The following PTPRD variants were observed in gnomAD, a reference collection of about 807,000 sequenced individuals.
PTPRD encodes the protein receptor-type tyrosine-protein phosphatase delta.
A neutral mutation model predicts 214.5 loss-of-function variants in PTPRD; 34 were observed. The observed-to-expected ratio is 0.16, with a 90% CI of 0.12 to 0.21. The LOEUF (loss-of-function observed/expected upper bound fraction) is 0.21. Among genes scored for constraint, PTPRD ranks in the 10% least tolerant of loss-of-function variants. PTPRD has a pLI of 1.00. For synonymous variants in PTPRD, 1,128 were observed against 845.7 expected (o/e 1.33, Z -5.79); for missense variants, 2,545 against 2,398.7 (o/e 1.06, Z -1.27).
At chr9:10,443,603 T>C (rs1402644199) in intron 2 of PTPRD, among the ~76,000 whole-genome samples, 1 of 151,724 alleles carries the variant, frequency 6.6e-6, no homozygotes, top group Non-Finnish European at 1.5e-5. Flanking sequence ...CATTACTTGA[T>C]GCCTCATAGA....
chr9:8,740,684 C>T (rs2091692201), intron 11 of PTPRD, among the ~76,000 whole-genome samples: 2 of 152,112 alleles, frequency 1.3e-5, no homozygotes, highest in Non-Finnish European at 2.9e-5. Context: ...ATAATCAGCA[C>T]ATCAAATCAA....
At chr9:8,340,769 A>T (rs1046821051) in intron 41 of PTPRD, among the ~76,000 whole-genome samples, 1 of 152,142 alleles carries the variant, frequency 6.6e-6, no homozygotes, top group Non-Finnish European at 1.5e-5. Context: ...AAACACTTAG[A>T]TGTGCAGCTT....
chr9:8,778,493 C>T (rs1182874035), intron 11 of PTPRD, among the ~76,000 whole-genome samples: 1 of 152,130 alleles, frequency 6.6e-6, no homozygotes, highest in Non-Finnish European at 1.5e-5. Context: ...TGCGAATCTG[C>T]CCAACACTGA....
chr9:9,646,531 G>A (rs2096183907), intron 7 of PTPRD, among the ~76,000 whole-genome samples: 1 of 151,880 alleles, frequency 6.6e-6, no homozygotes, highest in African/African-American at 2.4e-5. Flanking sequence ...TCAGAATGTA[G>A]GTATTATTAT....
At chr9:10,528,086 A>G (rs2054875471) in intron 2 of PTPRD, among the ~76,000 whole-genome samples, 1 of 152,168 alleles carries the variant, frequency 6.6e-6, no homozygotes, top group African/African-American at 2.4e-5. Flanking sequence ...ACACACACAC[A>G]CACTGAGTTG....
intron 2 of PTPRD, among the ~76,000 whole-genome samples, chr9:10,584,503 T>C (rs1187904563): frequency 6.6e-6 from 1 of 152,194 alleles, no homozygotes; most frequent in Non-Finnish European, 1.5e-5. Flanking sequence ...TAGTTCCAGA[T>C]CTGGGTTTCA....
At chr9:8,952,956 A>AGGT (rs2099110998) in intron 11 of PTPRD, among the ~76,000 whole-genome samples, 1 of 112,750 alleles carries the variant, frequency 8.9e-6, no homozygotes, top group African/African-American at 2.8e-5. Flanking sequence ...AGTATATGTT[A>AGGT]GGTTATACCT....
intron 8 of PTPRD, among the ~76,000 whole-genome samples, chr9:9,400,516 C>T (rs1314983684): frequency 6.6e-6 from 1 of 151,948 alleles, no homozygotes; most frequent in Non-Finnish European, 1.5e-5. Flanking sequence ...CTACCTTTAT[C>T]TAACCAAAAA....
chr9:10,198,419 G>A (rs1372585055), intron 3 of PTPRD, among the ~76,000 whole-genome samples: 3 of 152,108 alleles, frequency 2.0e-5, no homozygotes, highest in African/African-American at 4.8e-5. Context: ...CATTGGCCAA[G>A]TATGAGCAGC....
rs182446423 is a variant in PTPRD at position 8,608,237 on chromosome 9, G to C, written c.352+25080C>G. Among the ~76,000 whole-genome samples the C allele has an allele frequency of 1.0e-3, 153 of 151,958 alleles. 4 individuals carry two copies. The East Asian group carries it at 0.022, about 22-fold the overall frequency. ...AATACAAATAGTTGAACTAATTCAA[G>C]TTCCAAAGTAAAATTTCATGACTTG... On this transcript the variant is annotated intron_variant, in intron 14 of 45. Transcript: ENST00000381196.
chr9:8,774,706 G>T (rs1320835339), intron 11 of PTPRD, among the ~76,000 whole-genome samples: 2 of 151,642 alleles, frequency 1.3e-5, no homozygotes, highest in East Asian at 3.9e-4. Flanking sequence ...GGCTAATTTT[G>T]TATTTTTAGT....
At chr9:10,173,501 A>G (rs1025424900) in intron 3 of PTPRD, among the ~76,000 whole-genome samples, 1 of 152,258 alleles carries the variant, frequency 6.6e-6, no homozygotes, top group South Asian at 2.1e-4. Context: ...CATGTTCCAG[A>G]AGGATAATGT....
chr9:9,877,013 C>A (rs1338719641), intron 5 of PTPRD, among the ~76,000 whole-genome samples: 2 of 152,116 alleles, frequency 1.3e-5, no homozygotes, highest in Non-Finnish European at 2.9e-5. Context: ...GTTTTGGGTT[C>A]AGTTACATTG....
intron 3 of PTPRD, among the ~76,000 whole-genome samples, chr9:10,161,728 A>G (rs2099128374): frequency 6.6e-6 from 1 of 151,810 alleles, no homozygotes; most frequent in African/African-American, 2.4e-5. Context: ...TTTTGCACAA[A>G]AAAGGAAACA....
chr9:8,578,777 T>C (rs1434848355), intron 14 of PTPRD, among the ~76,000 whole-genome samples: 2 of 152,232 alleles, frequency 1.3e-5, no homozygotes, highest in East Asian at 3.8e-4. Flanking sequence ...ATTTAACATA[T>C]TGACTTAAAC....
At position 10,327,171 on chromosome 9, in the gene PTPRD, G is replaced by GTGTATATA. The variant is rs71485326; in HGVS notation, c.-545+13791_-545+13792insTATATACA. The stretch of plus-strand genomic sequence containing the variant: ...TGCATTTGTGCACATATATGTGTGT[G>GTGTATATA]TATATATATATATATATATATATAT... On this transcript the variant is annotated intron_variant, in intron 3 of 45. Transcript: ENST00000381196. Among the ~76,000 whole-genome samples the GTGTATATA allele has an allele frequency of 9.7e-4, 139 of 142,894 alleles. 1 individual carries two copies. The highest frequency in any genetic ancestry group is 2.9e-3 in the African/African-American group (117 of 39,916). The allele number at this position is 142,894 out of a possible 152,430, so 93.7% of individuals were successfully genotyped here. A position where few individuals can be genotyped will look rare whatever the true frequency, so the allele number is the denominator to read the frequency against.
chr9:8,412,492 G>C (rs975511407), intron 35 of PTPRD, among the ~76,000 whole-genome samples: 1 of 152,118 alleles, frequency 6.6e-6, no homozygotes, highest in African/African-American at 2.4e-5. Flanking sequence ...AAATTAACTA[G>C]ATGAATGCAT....
intron 9 of PTPRD, among the ~76,000 whole-genome samples, chr9:9,273,563 A>T (rs1943786449): frequency 1.3e-5 from 2 of 151,332 alleles, no homozygotes; most frequent in African/African-American, 4.8e-5. Flanking sequence ...AAAAACAGAG[A>T]ACTGTGAAAA....
intron 3 of PTPRD, among the ~76,000 whole-genome samples, chr9:10,242,527 A>C (rs2091284419): frequency 6.6e-6 from 1 of 151,828 alleles, no homozygotes; most frequent in Non-Finnish European, 1.5e-5. Flanking sequence ...GTAAGTCCCT[A>C]CTGTGTACCA....
Sources: gnomAD v4.1 joint callset for allele counts (sites outside exome capture counted in the v4.1 genomes callset) on GRCh38, gnomAD v4.1.1 for gene constraint, MANE v1.5 for transcripts, NCBI Gene and HGNC (gene_info 2026-07-23, HGNC 2026-07-21) for gene names.